Variants in SEMA6D observed in about 807,000 individuals in gnomAD.
The protein encoded by SEMA6D is semaphorin 6D, also known as semaphorin-6D.
Under a neutral mutation model 106.6 loss-of-function variants are expected in SEMA6D, and 35 were observed. The ratio of observed to expected loss-of-function variants is 0.33; its 90% CI spans 0.25 to 0.44. The LOEUF (loss-of-function observed/expected upper bound fraction) is 0.44, where lower values mean the gene tolerates loss of function less well. Among genes scored for constraint, SEMA6D ranks in the 20% least tolerant of loss-of-function variants. The pLI is 1.00. For missense variants in SEMA6D, 1,185 were observed against 1,345.9 expected (o/e 0.88, Z 1.87); for synonymous variants, 499 against 487.7 (o/e 1.02, Z -0.31).
Position 47,237,413 on chromosome 15 carries a change from T to C in SEMA6D, c.-239+52995T>C, listed in dbSNP as rs549359211. Reference sequence around the variant, plus strand: ...TGCCACGTTGGAAATGAGACTGTCATGATAAACGTTTCTAGTAATTTTTTT... The same window carrying C: ...TGCCACGTTGGAAATGAGACTGTCACGATAAACGTTTCTAGTAATTTTTTT... On this transcript the variant is annotated intron_variant, in intron 1 of 19. Transcript: ENST00000558014. 1.3e-4 allele frequency among the ~76,000 whole-genome samples: 19 copies of C among 149,098 alleles called. No individual in the cohort carries two copies. The East Asian group carries it at 3.5e-3, about 28-fold the overall frequency.
chr15:47,207,092 A>C (rs1456791790), intron 1 of SEMA6D, among the ~76,000 whole-genome samples: 1 of 152,220 alleles, frequency 6.6e-6, no homozygotes, highest in Admixed American at 6.5e-5. Flanking sequence ...GCAATTAGGC[A>C]GCAGTGGAAG....
At chr15:47,526,883 C>T (rs1335748549) in intron 3 of SEMA6D, among the ~76,000 whole-genome samples, 1 of 152,078 alleles carries the variant, frequency 6.6e-6, no homozygotes, top group Admixed American at 6.6e-5. Flanking sequence ...ATTACAGGCA[C>T]CTGCCACCAT....
At chr15:47,592,296 G>A (rs2076453019) in intron 3 of SEMA6D, among the ~76,000 whole-genome samples, 1 of 152,188 alleles carries the variant, frequency 6.6e-6, no homozygotes, top group Non-Finnish European at 1.5e-5. Flanking sequence ...GCCTTACTCT[G>A]ACTTTGTGAA....
chr15:47,277,196 T>C (rs1489934763), intron 1 of SEMA6D, among the ~76,000 whole-genome samples: 2 of 152,250 alleles, frequency 1.3e-5, no homozygotes, highest in East Asian at 3.9e-4. Context: ...GAAGATGTTA[T>C]GAACATTGTT....
chr15:47,510,579 T>C (rs2044194928), intron 3 of SEMA6D, among the ~76,000 whole-genome samples: 1 of 150,880 alleles, frequency 6.6e-6, no homozygotes, highest in African/African-American at 2.4e-5. Context: ...TCTGAAGGAG[T>C]TTTCAATTCA....
intron 1 of SEMA6D, among the ~76,000 whole-genome samples, chr15:47,191,307 T>C (rs777531115): frequency 7.2e-5 from 11 of 152,276 alleles, no homozygotes; most frequent in Middle Eastern, 3.4e-3. Context: ...ACAGTATTTA[T>C]TATAAGTATT....
intron 3 of SEMA6D, among the ~76,000 whole-genome samples, chr15:47,546,179 A>G (rs1385687148): frequency 6.6e-6 from 1 of 152,186 alleles, no homozygotes; most frequent in South Asian, 2.1e-4. Flanking sequence ...CTCCAAAACC[A>G]TGGAAGTAAA....
At chr15:47,359,167 T>C (rs937960708) in intron 1 of SEMA6D, among the ~76,000 whole-genome samples, 1 of 152,172 alleles carries the variant, frequency 6.6e-6, no homozygotes, top group African/African-American at 2.4e-5. Context: ...TGTGTGTATA[T>C]ATTTCTGTGT....
intron 4 of SEMA6D, among the ~76,000 whole-genome samples, chr15:47,698,897 CCG>C (rs2078754094): frequency 6.6e-6 from 1 of 152,124 alleles, no homozygotes; most frequent in South Asian, 2.1e-4. Flanking sequence ...GATTTTCCAG[CCG>C]CTGTCATAAC....
intron 1 of SEMA6D, among the ~76,000 whole-genome samples, chr15:47,235,624 G>A (rs1039201967): frequency 6.6e-6 from 1 of 151,982 alleles, no homozygotes; most frequent in Non-Finnish European, 1.5e-5. Flanking sequence ...AGATCAGTTG[G>A]TTGTAAGTAT....
intron 1 of SEMA6D, among the ~76,000 whole-genome samples, chr15:47,261,446 G>C (rs2142085120): frequency 6.6e-6 from 1 of 152,034 alleles, no homozygotes; most frequent in African/African-American, 2.4e-5. Context: ...AATTTTCTGA[G>C]GTATGTAGAA....
At chr15:47,678,783 A>G (rs1469223469) in intron 4 of SEMA6D, among the ~76,000 whole-genome samples, 1 of 151,546 alleles carries the variant, frequency 6.6e-6, no homozygotes, top group African/African-American at 2.4e-5. Flanking sequence ...ATATGTATGT[A>G]TTTGTGTTAT....
intron 1 of SEMA6D, among the ~76,000 whole-genome samples, chr15:47,747,294 C>T (rs2081198974): frequency 6.6e-6 from 1 of 152,136 alleles, no homozygotes; most frequent in African/African-American, 2.4e-5. Flanking sequence ...TGGTTCTGAT[C>T]ACAGGTCAGA....
intron 1 of SEMA6D, among the ~76,000 whole-genome samples, chr15:47,254,486 T>A (rs959613068): frequency 3.9e-5 from 6 of 152,024 alleles, no homozygotes; most frequent in African/African-American, 1.4e-4. Flanking sequence ...GTGGTAAGAA[T>A]GGACATCCTC....
At chr15:47,554,369 A>C (rs1453918894) in intron 3 of SEMA6D, among the ~76,000 whole-genome samples, 1 of 152,220 alleles carries the variant, frequency 6.6e-6, no homozygotes. Context: ...CATGAACTCA[A>C]GTTCTAAGTG....
At chr15:47,762,661 G>A (rs890552035) in intron 8 of SEMA6D, among the ~76,000 whole-genome samples, 7 of 152,136 alleles carry the variant, frequency 4.6e-5, no homozygotes, top group South Asian at 4.2e-4. Flanking sequence ...CGATTAGTCC[G>A]TATGAGAGCC....
At chr15:47,370,254 C>A (rs571115706) in intron 1 of SEMA6D, among the ~76,000 whole-genome samples, 1 of 152,144 alleles carries the variant, frequency 6.6e-6, no homozygotes, top group African/African-American at 2.4e-5. Flanking sequence ...GTGGTTCACA[C>A]CTGTAATTTC....
intron 1 of SEMA6D, chr15:47,395,472 A>G (rs1317139147): frequency 6.6e-6 from 1 of 152,198 alleles, no homozygotes; most frequent in Non-Finnish European, 1.5e-5. Flanking sequence ...CATTTCATGG[A>G]TTGTTGGAAA....
At chr15:47,599,097 A>G (rs2076593155) in intron 3 of SEMA6D, among the ~76,000 whole-genome samples, 1 of 152,152 alleles carries the variant, frequency 6.6e-6, no homozygotes, top group Non-Finnish European at 1.5e-5. Context: ...CAGATTTCAT[A>G]GAGCAGGCTA....
Sources: allele counts gnomAD v4.1 joint callset (sites outside exome capture counted in the v4.1 genomes callset), GRCh38; gene constraint gnomAD v4.1.1; transcripts MANE v1.5; gene names NCBI Gene and HGNC (gene_info 2026-07-23, HGNC 2026-07-21).